The following PTPRN2 variants were observed in gnomAD, a reference collection of about 807,000 sequenced individuals.
PTPRN2 encodes protein tyrosine phosphatase receptor type N2.
A neutral mutation model predicts 118.8 loss-of-function variants in PTPRN2; 74 were observed. The observed-to-expected ratio is 0.62, with a 90% CI of 0.52 to 0.76. PTPRN2 has a LOEUF of 0.76. PTPRN2 is among the 30% of genes least tolerant of loss of function. The pLI, the probability that PTPRN2 is intolerant of heterozygous loss-of-function variation, is 0.00. For synonymous variants in PTPRN2, 641 were observed against 608.0 expected (o/e 1.05, Z -0.80); for missense variants, 1,481 against 1,394.4 (o/e 1.06, Z -0.99).
chr7:158,329,404 C>A (rs1443262588), intron 2 of PTPRN2, among the ~76,000 whole-genome samples: 1 of 152,218 alleles, frequency 6.6e-6, no homozygotes, highest in Admixed American at 6.5e-5. Context: ...ATGCAACAGG[C>A]TGTGTGCCGA....
At chr7:158,070,969 CGGTGGAGGTGCCCGT>C (rs1811353231) in intron 11 of PTPRN2, among the ~76,000 whole-genome samples, 1 of 16,636 alleles carries the variant, frequency 6.0e-5, no homozygotes, top group Non-Finnish European at 1.0e-4. Context: ...GAGGTGCTCA[CGGTGGAGGTGCCCGT>C]GGTGGTGGAG....
At chr7:158,402,257 T>C (rs1223489617) in intron 2 of PTPRN2, among the ~76,000 whole-genome samples, 2 of 152,164 alleles carry the variant, frequency 1.3e-5, no homozygotes, top group Non-Finnish European at 2.9e-5. Flanking sequence ...GTGCTGACTT[T>C]TGAGCTGTCC....
chr7:158,101,126 T>C (rs1359144006), intron 10 of PTPRN2, among the ~76,000 whole-genome samples: 1 of 152,174 alleles, frequency 6.6e-6, no homozygotes, highest in Non-Finnish European at 1.5e-5. Flanking sequence ...CAAACTATTC[T>C]ATAAGGCTAT....
At chr7:157,540,936 C>CA (rs927265568) in intron 22 of PTPRN2, 151 bp from the exon 23 acceptor site, 76 of 634,384 alleles carry the variant, frequency 1.2e-4, no homozygotes, top group African/African-American at 5.6e-4. Context: ...AATTGTTTAG[C>CA]AAAAAAAAGC....
At chr7:158,236,006 CG>C (rs1308434649) in intron 3 of PTPRN2, among the ~76,000 whole-genome samples, 4 of 152,106 alleles carry the variant, frequency 2.6e-5, no homozygotes, top group Non-Finnish European at 5.9e-5. Context: ...GACACGGAGA[CG>C]TCGTGGGGGA....
intron 1 of PTPRN2, among the ~76,000 whole-genome samples, chr7:158,535,694 G>C (rs1825604630): frequency 2.0e-5 from 3 of 151,786 alleles, no homozygotes; most frequent in South Asian, 4.2e-4. Context: ...TTGGTCAACT[G>C]TGTACACAAC....
At chr7:158,407,197 C>CCGCG (rs1813573691) in intron 2 of PTPRN2, among the ~76,000 whole-genome samples, 1 of 28,772 alleles carries the variant, frequency 3.5e-5, no homozygotes, top group African/African-American at 9.4e-5. Flanking sequence ...GTCCTGGGTC[C>CCGCG]TGGGTCCTGG....
intron 4 of PTPRN2, among the ~76,000 whole-genome samples, chr7:158,204,075 C>T (rs1826902619): frequency 6.6e-6 from 1 of 151,850 alleles, no homozygotes; most frequent in African/African-American, 2.4e-5. Context: ...TCAGCGAGCG[C>T]CGTGTGGTGA....
chr7:158,253,565 C>T (rs1796826363), intron 3 of PTPRN2, among the ~76,000 whole-genome samples: 1 of 152,164 alleles, frequency 6.6e-6, no homozygotes, highest in Non-Finnish European at 1.5e-5. Flanking sequence ...TCCCGAAACC[C>T]AGGCCAGGAC....
At chr7:158,548,062 G>A (rs949931687) in intron 1 of PTPRN2, among the ~76,000 whole-genome samples, 1 of 152,222 alleles carries the variant, frequency 6.6e-6, no homozygotes, top group South Asian at 2.1e-4. Flanking sequence ...CCAGGAATCT[G>A]CACACAAGAT....
At chr7:158,351,083 G>A (rs562717986) in intron 2 of PTPRN2, among the ~76,000 whole-genome samples, 11 of 152,304 alleles carry the variant, frequency 7.2e-5, no homozygotes, top group African/African-American at 2.4e-4. Context: ...AAGCTGCTTT[G>A]GGGAATGCTG....
At chr7:157,833,799 C>T (rs921814065) in intron 12 of PTPRN2, among the ~76,000 whole-genome samples, 13 of 152,244 alleles carry the variant, frequency 8.5e-5, no homozygotes, top group African/African-American at 2.9e-4. Context: ...GGTCACAACT[C>T]TCATCCATGG....
intron 2 of PTPRN2, among the ~76,000 whole-genome samples, chr7:158,461,494 T>TC (rs1818983356): frequency 2.3e-5 from 2 of 86,972 alleles, no homozygotes; most frequent in African/African-American, 8.6e-5. Flanking sequence ...AGACTCCGTC[T>TC]CAAAAAAAAA....
rs12674000 is a variant in PTPRN2 at position 158,177,237 on chromosome 7, C to T, written c.550-9946G>A. Among the ~76,000 whole-genome samples the T allele has an allele frequency of 4.3e-3, 649 of 152,242 alleles. 15 individuals carry two copies. In the East Asian group the frequency reaches 0.06, roughly 14 times the overall value. On this transcript the variant is annotated intron_variant, in intron 5 of 22. Transcript: ENST00000389418. ...AATTTGAGAATTTCTATGTCCTCAT[C>T]AAGAGTTGGTTTTATGGATTTTTTT...
At chr7:157,691,079 C>CG (rs936233872) in intron 12 of PTPRN2, among the ~76,000 whole-genome samples, 4 of 124,776 alleles carry the variant, frequency 3.2e-5, no homozygotes, top group Admixed American at 7.5e-5. Flanking sequence ...CCCCCCCCCC[C>CG]CCACATGTTG....
At chr7:158,293,824 A>G (rs539472597) in intron 3 of PTPRN2, among the ~76,000 whole-genome samples, 2 of 151,786 alleles carry the variant, frequency 1.3e-5, no homozygotes, top group African/African-American at 4.8e-5. Context: ...GCTCATCAAT[A>G]TCACTGTCTT....
intron 1 of PTPRN2, among the ~76,000 whole-genome samples, chr7:158,514,126 C>T (rs1340425019): frequency 6.6e-6 from 1 of 152,164 alleles, no homozygotes; most frequent in Non-Finnish European, 1.5e-5. Flanking sequence ...CTTGCTGTTT[C>T]GTCCAGGACT....
At chr7:158,273,619 C>T (rs1376613104) in intron 3 of PTPRN2, among the ~76,000 whole-genome samples, 1 of 80,294 alleles carries the variant, frequency 1.2e-5, no homozygotes, top group South Asian at 4.5e-4. Context: ...CACGGGGAGC[C>T]GCAGGCATGG....
intron 11 of PTPRN2, among the ~76,000 whole-genome samples, chr7:157,942,342 G>GCC (rs1287882990): frequency 6.6e-6 from 1 of 152,190 alleles, no homozygotes; most frequent in Admixed American, 6.5e-5. Context: ...CTTCACCCTA[G>GCC]TTTTGCTCCC....
Sources: allele counts gnomAD v4.1 joint callset (sites outside exome capture counted in the v4.1 genomes callset), GRCh38; gene constraint gnomAD v4.1.1; transcripts MANE v1.5; gene names NCBI Gene and HGNC (gene_info 2026-07-23, HGNC 2026-07-21).